The following C12orf54 variants were observed in gnomAD, a reference collection of about 807,000 sequenced individuals.
C12orf54 encodes the protein chromosome 12 open reading frame 54.
Under a neutral mutation model 26.4 loss-of-function variants are expected in C12orf54, and 24 were observed. That is an observed-to-expected ratio of 0.91 (90% confidence interval 0.66 to 1.28). C12orf54 has a LOEUF of 1.28. Among genes scored for constraint, C12orf54 ranks in the 50% most tolerant of loss-of-function variants. The pLI, the probability that C12orf54 is intolerant of heterozygous loss-of-function variation, is 0.00. For missense variants in C12orf54, 154 were observed against 150.9 expected (o/e 1.02, Z -0.11); for synonymous variants, 54 against 47.0 (o/e 1.15, Z -0.61).
chr12:48,429,266 G>T, the C12orf54 span, among the ~76,000 whole-genome samples: 1 of 152,096 alleles, frequency 6.6e-6, no homozygotes, highest in African/African-American at 2.4e-5. Context: ...ACAAGACAAG[G>T]ATGCCCACTC....
chr12:48,435,010 T>C, the C12orf54 span, among the ~76,000 whole-genome samples: 1 of 151,872 alleles, frequency 6.6e-6, no homozygotes, highest in East Asian at 1.9e-4. Flanking sequence ...TTAAAAACTT[T>C]GAAAAAAAAT....
chr12:48,486,694 CAG>C lies in C12orf54; in HGVS notation c.104_105del (p.Gln35ArgfsTer5). ...IEETMRPQEK[Q>X]VTITETLWDQ... ...TTGTTCCTTATTTCTACAGGAAAAA[CAG>C]GTAACCATCACTGAAACCCTGTGGG... On this transcript the variant is annotated frameshift_variant, in exon 4 of 9. Coordinates refer to ENST00000548364, the MANE Select transcript of C12orf54 (RefSeq NM_152319.4). LOFTEE classifies it high-confidence loss of function. 2.5e-6 allele frequency: 4 copies of C among 1,612,812 alleles called. No individual in the cohort carries two copies. The highest frequency in any genetic ancestry group is 3.4e-6 in the Non-Finnish European group (4 of 1,178,826).
chr12:48,429,000 A>T, the C12orf54 span, among the ~76,000 whole-genome samples: 1 of 152,190 alleles, frequency 6.6e-6, no homozygotes, highest in East Asian at 1.9e-4. Flanking sequence ...AGGGATGCAG[A>T]GACGGTTTAA....
chr12:48,438,308 C>T, the C12orf54 span, among the ~76,000 whole-genome samples: 26 of 152,280 alleles, frequency 1.7e-4, no homozygotes, highest in East Asian at 1.5e-3. Flanking sequence ...GAATCAATAT[C>T]GTGAAAATGG....
chr12:48,477,032 T>C, the C12orf54 span, among the ~76,000 whole-genome samples: 2 of 152,118 alleles, frequency 1.3e-5, no homozygotes, highest in Non-Finnish European at 2.9e-5. Context: ...AGAACAGAAA[T>C]AATAACAAAC....
the C12orf54 span, chr12:48,472,817 C>T: frequency 2.5e-6 from 4 of 1,614,200 alleles, no homozygotes; most frequent in Non-Finnish European, 3.4e-6. Context: ...ATACAATCAA[C>T]ATAGGCCTCA....
the C12orf54 span, among the ~76,000 whole-genome samples, chr12:48,474,806 C>T: frequency 2.8e-4 from 43 of 152,284 alleles, no homozygotes; most frequent in African/African-American, 1.0e-3. Flanking sequence ...CCTCTGTAGG[C>T]TCCACCTCTA....
the C12orf54 span, among the ~76,000 whole-genome samples, chr12:48,469,129 T>C: frequency 6.6e-6 from 1 of 152,180 alleles, no homozygotes; most frequent in Non-Finnish European, 1.5e-5. Context: ...ACATTGTCAT[T>C]GATAAACATC....
the C12orf54 span, among the ~76,000 whole-genome samples, chr12:48,452,365 C>T: frequency 7.2e-5 from 11 of 152,184 alleles, no homozygotes; most frequent in African/African-American, 2.4e-4. Flanking sequence ...AATGTGAAAC[C>T]CAAAACTGTA....
At chr12:48,435,161 G>A in the C12orf54 span, among the ~76,000 whole-genome samples, 1 of 152,188 alleles carries the variant, frequency 6.6e-6, no homozygotes, top group Non-Finnish European at 1.5e-5. Context: ...AAGGGTATCA[G>A]CGATAGAAGA....
At chr12:48,424,243 C>T in the C12orf54 span, among the ~76,000 whole-genome samples, 1 of 151,982 alleles carries the variant, frequency 6.6e-6, no homozygotes, top group Admixed American at 6.6e-5. Context: ...CTGGATTTCA[C>T]TTGATGATGT....
At chr12:48,490,731 A>G in intron 5 of C12orf54, 81 bp from the exon 6 acceptor site, 2 of 1,516,400 alleles carry the variant, frequency 1.3e-6, no homozygotes, top group Non-Finnish European at 1.8e-6. Flanking sequence ...CCTGCATTTG[A>G]CCAAGTCTAT....
At chr12:48,471,157 TTTGA>T in the C12orf54 span, among the ~76,000 whole-genome samples, 1 of 152,102 alleles carries the variant, frequency 6.6e-6, no homozygotes, top group East Asian at 1.9e-4. Flanking sequence ...GTTCTATTGT[TTTGA>T]TTTTTAGATC....
chr12:48,415,593 C>T, the C12orf54 span, among the ~76,000 whole-genome samples: 3 of 152,054 alleles, frequency 2.0e-5, no homozygotes, highest in Admixed American at 2.0e-4. Flanking sequence ...GCTGCTGTGC[C>T]TCAGTTTCTC....
At chr12:48,417,962 G>A in the C12orf54 span, among the ~76,000 whole-genome samples, 50 of 152,164 alleles carry the variant, frequency 3.3e-4, no homozygotes, top group Middle Eastern at 6.8e-3. Flanking sequence ...TATGTGCCAC[G>A]TTTTCTGTAT....
the C12orf54 span, among the ~76,000 whole-genome samples, chr12:48,450,147 T>C: frequency 6.6e-6 from 1 of 152,144 alleles, no homozygotes; most frequent in East Asian, 1.9e-4. Context: ...AATCTAACCA[T>C]TTTAAAACTA....
At chr12:48,473,471 C>A in the C12orf54 span, 1 of 486,266 alleles carries the variant, frequency 2.1e-6, no homozygotes, top group South Asian at 1.9e-5. Context: ...TTAGCCGTAT[C>A]CCCTCCCCCA....
chr12:48,472,935 A>C, the C12orf54 span: 1 of 1,614,224 alleles, frequency 6.2e-7, no homozygotes, highest in African/African-American at 1.3e-5. Flanking sequence ...TCCAAACCTC[A>C]TACATCTAAA....
At chr12:48,416,967 C>T in the C12orf54 span, among the ~76,000 whole-genome samples, 79 of 152,036 alleles carry the variant, frequency 5.2e-4, no homozygotes, top group Non-Finnish European at 8.8e-5. Flanking sequence ...TATGATCTCC[C>T]CTCAGTCTCA....
Sources: gnomAD v4.1 joint callset for allele counts (sites outside exome capture counted in the v4.1 genomes callset) on GRCh38, gnomAD v4.1.1 for gene constraint, MANE v1.5 for transcripts, NCBI Gene and HGNC (gene_info 2026-07-23, HGNC 2026-07-21) for gene names.